Variants in RBFOX1 observed in about 807,000 individuals in gnomAD.
RBFOX1 encodes RNA binding fox-1 homolog 1.
A neutral mutation model predicts 57.7 loss-of-function variants in RBFOX1; 8 were observed. The ratio of observed to expected loss-of-function variants is 0.14; its 90% confidence interval spans 0.08 to 0.25. The LOEUF (loss-of-function observed/expected upper bound fraction) is 0.25. Among genes scored for constraint, RBFOX1 ranks in the 10% least tolerant of loss-of-function variants. RBFOX1 has a pLI of 1.00. For missense variants in RBFOX1, 611 were observed against 548.5 expected (o/e 1.11, Z -1.14); for synonymous variants, 326 against 222.4 (o/e 1.47, Z -4.15).
chr16:6,697,554 C>G (rs931912742), intron 3 of RBFOX1, among the ~76,000 whole-genome samples: 22 of 152,188 alleles, frequency 1.4e-4, no homozygotes, highest in African/African-American at 4.8e-4. Flanking sequence ...GGTCCATTCT[C>G]ACTGGAGCAG....
chr16:7,195,517 A>C (rs111800818), intron 4 of RBFOX1, among the ~76,000 whole-genome samples: 1 of 152,168 alleles, frequency 6.6e-6, no homozygotes, highest in African/African-American at 2.4e-5. Flanking sequence ...TTGAGGACCT[A>C]CGATGCTTGC....
chr16:6,922,677 G>A (rs2074736710), intron 3 of RBFOX1, among the ~76,000 whole-genome samples: 1 of 152,090 alleles, frequency 6.6e-6, no homozygotes, highest in African/African-American at 2.4e-5. Context: ...GTAAACTTAG[G>A]CCATGTTTTG....
At chr16:6,433,902 T>C (rs2094165752) in intron 2 of RBFOX1, among the ~76,000 whole-genome samples, 1 of 150,404 alleles carries the variant, frequency 6.6e-6, no homozygotes, top group Non-Finnish European at 1.5e-5. Flanking sequence ...TACTGGAATA[T>C]AGTGGCACCA....
At chr16:7,709,801 C>G (rs943340237) in intron 15 of RBFOX1, 2 of 1,259,250 alleles carry the variant, frequency 1.6e-6, no homozygotes, top group African/African-American at 1.5e-5. Flanking sequence ...GTGAACTTGC[C>G]TGTACTTGTT....
At chr16:6,684,859 A>C (rs1334918444) in intron 3 of RBFOX1, among the ~76,000 whole-genome samples, 1 of 152,196 alleles carries the variant, frequency 6.6e-6, no homozygotes. Context: ...AGAGTGAGTA[A>C]TCCTTCATGC....
At chr16:7,478,010 C>T (rs1030066055) in intron 4 of RBFOX1, among the ~76,000 whole-genome samples, 2 of 152,234 alleles carry the variant, frequency 1.3e-5, no homozygotes, top group Non-Finnish European at 2.9e-5. Context: ...CTCCTTCTCT[C>T]TACACTGTTT....
At chr16:7,419,454 G>A (rs189359184) in intron 4 of RBFOX1, among the ~76,000 whole-genome samples, 1 of 152,200 alleles carries the variant, frequency 6.6e-6, no homozygotes, top group Non-Finnish European at 1.5e-5. Flanking sequence ...CAATGCAACC[G>A]GCACCTTTGA....
intron 3 of RBFOX1, among the ~76,000 whole-genome samples, chr16:6,834,203 A>T (rs1033885280): frequency 6.6e-6 from 1 of 151,852 alleles, no homozygotes; most frequent in Non-Finnish European, 1.5e-5. Context: ...CCTCCCAGGT[A>T]GCTGGGATTA....
chr16:6,925,945 C>G (rs982187474), intron 3 of RBFOX1, among the ~76,000 whole-genome samples: 5 of 151,958 alleles, frequency 3.3e-5, no homozygotes, highest in African/African-American at 1.2e-4. Context: ...TTTTAGTAAC[C>G]TAAACTCATC....
chr16:7,424,679 A>G (rs997563203), intron 4 of RBFOX1, among the ~76,000 whole-genome samples: 1 of 152,238 alleles, frequency 6.6e-6, no homozygotes, highest in African/African-American at 2.4e-5. Context: ...GCCCAGGATA[A>G]GAAGGAAATG....
intron 4 of RBFOX1, among the ~76,000 whole-genome samples, chr16:7,264,351 A>G (rs1363361501): frequency 6.6e-6 from 1 of 152,250 alleles, no homozygotes; most frequent in East Asian, 1.9e-4. Flanking sequence ...GGCCTCCAAG[A>G]TCTTATGAGA....
intron 1 of RBFOX1, among the ~76,000 whole-genome samples, chr16:5,440,502 G>C (rs78011706): frequency 6.6e-6 from 1 of 152,316 alleles, no homozygotes; most frequent in East Asian, 1.9e-4. Flanking sequence ...ACTTGCATTG[G>C]AGTTTGGAGA....
At chr16:6,284,973 A>G (rs939042417) in intron 1 of RBFOX1, among the ~76,000 whole-genome samples, 1 of 152,294 alleles carries the variant, frequency 6.6e-6, no homozygotes, top group South Asian at 2.1e-4. Flanking sequence ...ACCCCAGGGT[A>G]TCGGGGAAAT....
chr16:5,776,216 A>G (rs1171062319), intron 3 of RBFOX1, among the ~76,000 whole-genome samples: 1 of 152,214 alleles, frequency 6.6e-6, no homozygotes, highest in Non-Finnish European at 1.5e-5. Flanking sequence ...TTTATCATAA[A>G]TATTTCCGAG....
At chr16:6,124,266 A>C (rs1299101714) in intron 1 of RBFOX1, among the ~76,000 whole-genome samples, 1 of 152,084 alleles carries the variant, frequency 6.6e-6, no homozygotes, top group Non-Finnish European at 1.5e-5. Context: ...CTCTAAAGAG[A>C]GTCTTCAGTC....
chr16:7,104,646 G>A (rs917748659), intron 4 of RBFOX1, among the ~76,000 whole-genome samples: 3 of 152,002 alleles, frequency 2.0e-5, no homozygotes, highest in South Asian at 2.1e-4. Context: ...TATTTACATC[G>A]GGACACCAGA....
intron 1 of RBFOX1, among the ~76,000 whole-genome samples, chr16:6,263,719 TG>T (rs1469120754): frequency 6.6e-6 from 1 of 151,364 alleles, no homozygotes; most frequent in Non-Finnish European, 1.5e-5. Context: ...ATTTTCTTTT[TG>T]TTTGTAAATT....
At chr16:6,999,249 G>A (rs1380162628) in intron 3 of RBFOX1, among the ~76,000 whole-genome samples, 2 of 92,730 alleles carry the variant, frequency 2.2e-5, no homozygotes, top group Admixed American at 2.1e-4. Flanking sequence ...TTAGAGATCA[G>A]GTCTCACTTG....
intron 4 of RBFOX1, among the ~76,000 whole-genome samples, chr16:7,314,322 GTGTTCA>G (rs1386409264): frequency 6.6e-6 from 1 of 152,144 alleles, no homozygotes; most frequent in East Asian, 1.9e-4. Context: ...GGGCCTGGTC[GTGTTCA>G]TAACGGAATT....
Sources: gnomAD v4.1 joint callset for allele counts (sites outside exome capture counted in the v4.1 genomes callset) on GRCh38, gnomAD v4.1.1 for gene constraint, MANE v1.5 for transcripts, NCBI Gene and HGNC (gene_info 2026-07-23, HGNC 2026-07-21) for gene names.